Variants in HDAC2 observed in about 807,000 individuals in gnomAD.
The protein encoded by HDAC2 is YY1-associated factor 1.
Under a neutral mutation model 68.5 loss-of-function variants are expected in HDAC2, and 5 were observed. The ratio of observed to expected loss-of-function variants is 0.07; its 90% CI spans 0.04 to 0.15. The LOEUF is 0.15. Ranked by LOEUF, HDAC2 falls within the 10% of genes least tolerant of loss-of-function variation. HDAC2 has a pLI of 1.00. For synonymous variants in HDAC2, 182 were observed against 191.3 expected (o/e 0.95, Z 0.40); for missense variants, 291 against 600.8 (o/e 0.48, Z 5.39).
intron 12 of HDAC2, among the ~76,000 whole-genome samples, chr6:113,942,780 G>A (rs1776166582): frequency 6.6e-6 from 1 of 152,156 alleles, no homozygotes; most frequent in Non-Finnish European, 1.5e-5. Flanking sequence ...AAATTCAATT[G>A]CCTAAAGCTA....
chr6:113,946,794 C>T (rs759658527), intron 8 of HDAC2: 2 of 151,904 alleles, frequency 1.3e-5, no homozygotes, highest in Non-Finnish European at 2.9e-5. Context: ...GTTCCCTTCT[C>T]GGAATATTAC....
chr6:113,961,322 A>T (rs1227013284), intron 1 of HDAC2, among the ~76,000 whole-genome samples: 2 of 152,170 alleles, frequency 1.3e-5, no homozygotes, highest in African/African-American at 4.8e-5. Context: ...AGTACGGGAT[A>T]AACAATCAGC....
chr6:113,938,549 A>G lies in HDAC2; in HGVS notation c.*2509T>C, dbSNP rs966518728. 4 of 152,176 alleles carry G rather than the reference A, an allele frequency of 2.6e-5. No homozygotes were observed. Among genetic ancestry groups the G allele is most frequent in the Non-Finnish European group, 2.9e-5 (2 of 68,024 alleles). The allele number at this position is 152,176 out of a possible 1,614,324, so 9.4% of individuals were successfully genotyped here. On this transcript the variant is annotated 3_prime_UTR_variant, in exon 14 of 14. Transcript: ENST00000519065. The stretch of plus-strand genomic sequence containing the variant: ...TTATCTTTTCCTATTTAAATCTTCT[A>G]GTGGAGGGCAGAAAACTGGGTTTTC...
intron 6 of HDAC2, among the ~76,000 whole-genome samples, chr6:113,952,296 G>A (rs747191508): frequency 6.6e-6 from 1 of 152,168 alleles, no homozygotes; most frequent in East Asian, 1.9e-4. Flanking sequence ...AATTTTAAAA[G>A]CTAAATAATT....
chr6:113,958,920 G>T (rs1420329015), intron 2 of HDAC2, among the ~76,000 whole-genome samples, 154 bp from the exon 3 acceptor site: 1 of 152,110 alleles, frequency 6.6e-6, no homozygotes, highest in Non-Finnish European at 1.5e-5. Context: ...AAACTTATAT[G>T]TGTTTTAGAA....
rs528988883 is a variant in HDAC2 at position 113,970,945 on chromosome 6, CCTGCTG to C, written c.-43_-38del. 1.5e-4 allele frequency: 230 copies of C among 1,544,198 alleles called. No homozygotes were observed. The African/African-American group carries it at 2.0e-3, about 14-fold the overall frequency. On this transcript the variant is annotated 5_prime_UTR_variant, in exon 1 of 14. Transcript: ENST00000519065. ...CCACCGCCGCCACCGGGCTCCTCCT[CCTGCTG>C]CTGCTGCTGCTGCTGCTGCCGCCGC...
In HDAC2 at chr6:113,940,593, AATAGTT is replaced by A. The variant is rs1342874272; in HGVS notation, c.*459_*464del. ...AAATACTCTTCCCAAAGAAACAGCA[AATAGTT>A]ATCTTTCAAGCTGTAATCATTATCT... On this transcript the variant is annotated 3_prime_UTR_variant, in exon 14 of 14. Coordinates refer to ENST00000519065, the MANE Select transcript of HDAC2 (RefSeq NM_001527.4). 1 of 155,026 alleles carries A rather than the reference AATAGTT, an allele frequency of 6.5e-6. No individual in the cohort carries two copies. Among genetic ancestry groups the A allele is most frequent in the African/African-American group, 2.4e-5 (1 of 41,458 alleles). The allele number at this position is 155,026 out of a possible 1,614,324, so 9.6% of individuals were successfully genotyped here. A position where few individuals can be genotyped will look rare whatever the true frequency, so the allele number is the denominator to read the frequency against.
chr6:113,966,393 A>C (rs1368317359), intron 1 of HDAC2, among the ~76,000 whole-genome samples: 1 of 152,048 alleles, frequency 6.6e-6, no homozygotes, highest in Non-Finnish European at 1.5e-5. Context: ...TCTACTAAAA[A>C]ATACAAAAAT....
chr6:113,964,419 C>A (rs915643420), intron 1 of HDAC2, among the ~76,000 whole-genome samples: 1 of 152,004 alleles, frequency 6.6e-6, no homozygotes, highest in African/African-American at 2.4e-5. Context: ...TCCATAATAC[C>A]ATTTTCTTGG....
intron 3 of HDAC2, 162 bp downstream of exon 3, chr6:113,958,487 T>C: frequency 2.0e-6 from 1 of 507,382 alleles, no homozygotes; most frequent in Non-Finnish European, 3.4e-6. Context: ...TTTACTTTTT[T>C]CTTAAGTAGC....
chr6:113,970,666 G>A lies in HDAC2; in HGVS notation c.52+191C>T, dbSNP rs916952033. 7.9e-5 allele frequency: 107 copies of A among 1,352,132 alleles called. 1 individual carries two copies. The Middle Eastern group carries it at 8.3e-4, about 11-fold the overall frequency. The allele number at this position is 1,352,132 out of a possible 1,614,324, so 83.8% of individuals were successfully genotyped here. On this transcript the variant is annotated intron_variant, in intron 1 of 13. Transcript: ENST00000519065. ...GCGGGCCCCCTGATTCCCGCCCGCA[G>A]GAACCGCGGGGGCTGCGCCAGGAAG...
chr6:113,962,592 C>T (rs1178296136), intron 1 of HDAC2, among the ~76,000 whole-genome samples: 1 of 152,096 alleles, frequency 6.6e-6, no homozygotes, highest in Non-Finnish European at 1.5e-5. Flanking sequence ...GGACCCCAGT[C>T]CCACAAAGAA....
rs1554195893 is a variant in HDAC2 at position 113,933,845 on chromosome 6, T to A, written c.*7213A>T. The A allele has an allele frequency of 6.6e-6, 1 of 151,892 alleles. No homozygotes were observed. Among genetic ancestry groups the A allele is most frequent in the Non-Finnish European group, 1.5e-5 (1 of 67,970 alleles). 9.4% of individuals were successfully genotyped at this position (151,892 alleles called of 1,614,324 possible). On this transcript the variant is annotated 3_prime_UTR_variant, in exon 14 of 14. Transcript: ENST00000519065. ...TGTGTATACATATATATAGAAGGAATTCTCTTTCTTTTATCCCTTATTCCA... is the reference window on the plus strand; with the variant it reads ...TGTGTATACATATATATAGAAGGAAATCTCTTTCTTTTATCCCTTATTCCA...
chr6:113,952,219 A>G (rs1776435776), intron 6 of HDAC2, among the ~76,000 whole-genome samples: 1 of 152,212 alleles, frequency 6.6e-6, no homozygotes, highest in African/African-American at 2.4e-5. Context: ...TCTGTAAGAT[A>G]AGACCAGGTG....
chr6:113,943,010 T>C (rs1043899607), intron 12 of HDAC2, among the ~76,000 whole-genome samples: 2 of 152,138 alleles, frequency 1.3e-5, no homozygotes, highest in Non-Finnish European at 2.9e-5. Flanking sequence ...AGCTAAAAAT[T>C]ACCTTAGAAG....
Position 113,971,084 on chromosome 6 carries a change from C to A in HDAC2, c.-176G>T. 6.4e-7 allele frequency: 1 copy of A among 1,551,294 alleles called. No individual in the cohort carries two copies. Among genetic ancestry groups the A allele is most frequent in the South Asian group, 1.2e-5 (1 of 84,546 alleles). On this transcript the variant is annotated 5_prime_UTR_variant, in exon 1 of 14. Coordinates refer to ENST00000519065, the MANE Select transcript of HDAC2 (RefSeq NM_001527.4). Reference sequence around the variant, plus strand: ...AGGGGGCGCCGGGAAGGCTCGGTACCACCCGGCAGAGGTGCCGAAAGCTCG... The same window carrying A: ...AGGGGGCGCCGGGAAGGCTCGGTACAACCCGGCAGAGGTGCCGAAAGCTCG...
intron 6 of HDAC2, among the ~76,000 whole-genome samples, chr6:113,951,900 T>C (rs776913287): frequency 2.6e-5 from 4 of 152,212 alleles, no homozygotes; most frequent in African/African-American, 7.2e-5. Context: ...GATGAGACCA[T>C]AGTGACATCC....
chr6:113,948,766 A>T (rs1776326981), intron 8 of HDAC2: 1 of 471,448 alleles, frequency 2.1e-6, no homozygotes, highest in Admixed American at 3.8e-5. Flanking sequence ...AATAAACCTT[A>T]AAAAACTAGT....
chr6:113,953,215 A>G (rs1776463950), intron 6 of HDAC2, 62 bp downstream of exon 6: 1 of 1,194,448 alleles, frequency 8.4e-7, no homozygotes, highest in Admixed American at 2.1e-5. Flanking sequence ...TACTTCAAGT[A>G]TAGGATTACT....
Sources: allele counts gnomAD v4.1 joint callset (sites outside exome capture counted in the v4.1 genomes callset), GRCh38; gene constraint gnomAD v4.1.1; transcripts MANE v1.5; gene names NCBI Gene and HGNC (gene_info 2026-07-23, HGNC 2026-07-21).